PPP1R9A: variants seen among roughly 807,000 people sequenced by gnomAD.
The protein encoded by PPP1R9A is protein phosphatase 1 regulatory subunit 9A.
In PPP1R9A, 59 loss-of-function variants were observed where a neutral mutation model predicts 141.9. The ratio of observed to expected loss-of-function variants is 0.42; its 90% CI spans 0.34 to 0.52. The LOEUF is 0.52. Ranked by LOEUF, PPP1R9A falls within the 20% of genes least tolerant of loss-of-function variation. PPP1R9A has a pLI of 0.10. For missense variants in PPP1R9A, 1,444 were observed against 1,611.9 expected (o/e 0.90, Z 1.78); for synonymous variants, 500 against 569.7 (o/e 0.88, Z 1.74).
intron 2 of PPP1R9A, among the ~76,000 whole-genome samples, chr7:95,019,432 C>T (rs1372821636): frequency 2.6e-5 from 4 of 152,010 alleles, no homozygotes; most frequent in Admixed American, 6.6e-5. Flanking sequence ...AAATCTTCAC[C>T]GTTGGGGCAT....
Position 95,283,640 on chromosome 7 carries a change from T to G in PPP1R9A, c.3297-378T>G, listed in dbSNP as rs188416612. ...GAGGAAGACAGGAAAGAATGCTGCT[T>G]ATGAGCTAATGTCCCTAGCTGTGAG... On this transcript the variant is annotated intron_variant, in intron 16 of 19. Coordinates refer to ENST00000433360, the MANE Select transcript of PPP1R9A (RefSeq NM_001166160.2). 1.0e-3 allele frequency among the ~76,000 whole-genome samples: 152 copies of G among 152,312 alleles called. 1 individual carries two copies. Among genetic ancestry groups the G allele is most frequent in the African/African-American group, 3.6e-3 (151 of 41,568 alleles).
chr7:95,249,959 T>C (rs1798646838), intron 9 of PPP1R9A, 67 bp from the exon 10 acceptor site: 2 of 1,477,940 alleles, frequency 1.4e-6, no homozygotes, highest in African/African-American at 1.4e-5. Context: ...CAACATGCTA[T>C]AAAAATGAGA....
At chr7:95,095,183 A>G (rs1030607114) in intron 2 of PPP1R9A, among the ~76,000 whole-genome samples, 2 of 152,196 alleles carry the variant, frequency 1.3e-5, no homozygotes, top group Admixed American at 1.3e-4. Context: ...TGATTGCTGC[A>G]TTTGATTTTT....
intron 2 of PPP1R9A, among the ~76,000 whole-genome samples, chr7:95,010,980 C>T (rs867964258): frequency 1.3e-5 from 2 of 152,022 alleles, no homozygotes; most frequent in African/African-American, 4.8e-5. Context: ...TTGGAGTCTG[C>T]CTGACAGAAT....
intron 4 of PPP1R9A, among the ~76,000 whole-genome samples, chr7:95,158,171 A>G (rs890416444): frequency 6.6e-6 from 1 of 152,208 alleles, no homozygotes; most frequent in Non-Finnish European, 1.5e-5. Context: ...GATGATGCAC[A>G]TTTGAAAACT....
At chr7:95,283,961 G>A in intron 16 of PPP1R9A, 57 bp from the exon 17 acceptor site, 1 of 1,382,102 alleles carries the variant, frequency 7.2e-7, no homozygotes, top group Non-Finnish European at 9.8e-7. Context: ...CTTGGGTTCA[G>A]TAGGTCTTTT....
intron 2 of PPP1R9A, among the ~76,000 whole-genome samples, chr7:94,942,644 A>C (rs1264873320): frequency 1.3e-5 from 2 of 151,962 alleles, no homozygotes; most frequent in Non-Finnish European, 2.9e-5. Context: ...CTCAACTAAA[A>C]ATACAAAAAA....
At chr7:94,969,441 C>G (rs10231473) in intron 2 of PPP1R9A, among the ~76,000 whole-genome samples, 1 of 152,080 alleles carries the variant, frequency 6.6e-6, no homozygotes, top group Non-Finnish European at 1.5e-5. Flanking sequence ...CAGGTCTACC[C>G]CAGAGCCTGT....
intron 4 of PPP1R9A, among the ~76,000 whole-genome samples, chr7:95,147,779 C>T (rs1446482884): frequency 1.3e-5 from 2 of 152,032 alleles, no homozygotes; most frequent in Admixed American, 6.6e-5. Context: ...ATTCGTTCTA[C>T]TTATGTGATG....
chr7:95,060,336 G>C (rs1369533414), intron 2 of PPP1R9A, among the ~76,000 whole-genome samples: 3 of 152,168 alleles, frequency 2.0e-5, no homozygotes, highest in East Asian at 3.9e-4. Flanking sequence ...CTTTAGCAAG[G>C]GGGTGGGGCA....
At chr7:95,017,014 G>C (rs1233038454) in intron 2 of PPP1R9A, among the ~76,000 whole-genome samples, 1 of 152,052 alleles carries the variant, frequency 6.6e-6, no homozygotes, top group Non-Finnish European at 1.5e-5. Context: ...AGACGCAGTG[G>C]GAAGACAGCC....
intron 7 of PPP1R9A, among the ~76,000 whole-genome samples, chr7:95,220,987 A>G (rs912896664): frequency 1.3e-5 from 2 of 152,082 alleles, no homozygotes; most frequent in African/African-American, 4.8e-5. Context: ...ACAGGTATAT[A>G]TAGAGGAAAG....
intron 7 of PPP1R9A, among the ~76,000 whole-genome samples, chr7:95,204,565 C>G (rs1382483994): frequency 3.3e-5 from 5 of 151,786 alleles, no homozygotes; most frequent in East Asian, 3.9e-4. Flanking sequence ...CATATGTGCA[C>G]TGGCCTAAGT....
intron 5 of PPP1R9A, among the ~76,000 whole-genome samples, chr7:95,194,174 T>A (rs1835901922): frequency 6.6e-6 from 1 of 152,082 alleles, no homozygotes. Context: ...GGATATAAGC[T>A]TCTGAATTGC....
In PPP1R9A at chr7:95,006,148, A is replaced by G. The variant is rs544289135; in HGVS notation, c.1395+94640A>G. Among the ~76,000 whole-genome samples, 89 of 152,040 alleles carry G rather than the reference A, an allele frequency of 5.9e-4. 1 individual carries two copies. Among genetic ancestry groups the G allele is most frequent in the Admixed American group, 5.4e-3 (83 of 15,280 alleles). ...CACAAAATCTGAATTACTTGCTTCA[A>G]TTTGCACCTTTCATAAGGATTAAAA... On this transcript the variant is annotated intron_variant, in intron 2 of 19. Transcript: ENST00000433360.
rs199625269 is a variant in PPP1R9A at position 94,911,388 on chromosome 7, A to T, written c.1275A>T (p.Glu425Asp). The change falls in exon 2 of 20, where the codon GAA becomes GAT. Residue 425 changes from glutamate (E) to aspartate (D), a missense_variant. Transcript: ENST00000433360. The stretch of plus-strand genomic sequence containing the variant: ...CAGGCACTGAGCAGGATGAGGAGGA[A>T]GATAGTGATGAGAACAGTTACTATC... The part of the protein sequence containing the change: ...GETGTEQDEE[E>D]DSDENSYYQP... 1.2e-6 allele frequency: 2 copies of T among 1,614,124 alleles called. No individual in the cohort carries two copies. Among genetic ancestry groups the T allele is most frequent in the East Asian group, 4.5e-5 (2 of 44,886 alleles).
intron 2 of PPP1R9A, among the ~76,000 whole-genome samples, chr7:94,981,640 A>G (rs1174865847): frequency 6.6e-6 from 1 of 151,956 alleles, no homozygotes; most frequent in Non-Finnish European, 1.5e-5. Context: ...AGCTGGTGTT[A>G]TTTTCAGGTG....
intron 2 of PPP1R9A, among the ~76,000 whole-genome samples, chr7:94,978,991 T>C (rs1003928123): frequency 6.6e-6 from 1 of 152,268 alleles, no homozygotes; most frequent in African/African-American, 2.4e-5. Context: ...AAGATGGGGT[T>C]TTGCCATGTT....
At chr7:95,262,384 A>T (rs561645051) in intron 12 of PPP1R9A, among the ~76,000 whole-genome samples, 1 of 152,318 alleles carries the variant, frequency 6.6e-6, no homozygotes, top group East Asian at 1.9e-4. Context: ...TCTGACACTG[A>T]AAGAACCCTG....
Sources: gnomAD v4.1 joint callset for allele counts (sites outside exome capture counted in the v4.1 genomes callset) on GRCh38, gnomAD v4.1.1 for gene constraint, MANE v1.5 for transcripts, NCBI Gene and HGNC (gene_info 2026-07-23, HGNC 2026-07-21) for gene names.